MVP: variants seen among roughly 807,000 people sequenced by gnomAD.
MVP encodes the protein lung resistance-related protein.
A neutral mutation model predicts 83.5 loss-of-function variants in MVP; 62 were observed. That is an observed-to-expected ratio of 0.74 (90% CI 0.61 to 0.92). The LOEUF (loss-of-function observed/expected upper bound fraction) is 0.92. MVP is among the 40% of genes least tolerant of loss of function. The probability of loss-of-function intolerance (pLI) is 0.00; values close to 1 mark genes in which losing one functional copy is unlikely to be tolerated. For missense variants in MVP, 1,000 were observed against 1,203.4 expected (o/e 0.83, Z 2.50); for synonymous variants, 505 against 504.1 (o/e 1.00, Z -0.02).
At chr16:29,834,179 G>T in intron 5 of MVP, 113 bp downstream of exon 5, 1 of 1,438,338 alleles carries the variant, frequency 7.0e-7, no homozygotes, top group South Asian at 1.3e-5. Context: ...CGCTTTCCTG[G>T]TATCTTTTGA....
rs2067569103 is a variant in MVP at position 29,844,752 on chromosome 16, G to A, written c.1894G>A (p.Gly632Arg). ...GGACCAGGCTGTCTTCCCCCAAAAC[G>A]GGCTGGTGGTCAGCAGTGTGGACGT... Reference protein sequence around the residue: ...PRDQAVFPQNGLVVSSVDVQS... With the variant: ...PRDQAVFPQNRLVVSSVDVQS... The change falls in exon 11 of 15, where the codon GGG (glycine) becomes AGG (arginine). Residue 632 changes from glycine to arginine, a missense_variant. Gly to Arg is a moderately radical substitution (Grantham distance 125, BLOSUM62 -2). Transcript: ENST00000357402. The A allele has an allele frequency of 1.9e-6, 3 of 1,612,338 alleles. No homozygotes were observed. Among genetic ancestry groups the A allele is most frequent in the African/African-American group, 1.3e-5 (1 of 75,064 alleles).
At position 29,840,022 on chromosome 16, in the gene MVP, G is replaced by C. The variant is rs34739747; in HGVS notation, c.910-156G>C. On this transcript the variant is annotated intron_variant, in intron 7 of 14. Transcript: ENST00000357402. The stretch of plus-strand genomic sequence containing the variant: ...CGTTTGTGTAGAGCCTCACAGTCCA[G>C]ACAGTGCCTCACCGTATTATGATGT... The C allele has an allele frequency of 5.8e-6, 4 of 684,250 alleles. No homozygotes were observed. The African/African-American group carries it at 7.3e-5, about 12-fold the overall frequency. 42.4% of individuals were successfully genotyped at this position (684,250 alleles called of 1,614,324 possible).
chr16:29,840,602 C>G, intron 8 of MVP, 143 bp downstream of exon 8: 4 of 944,708 alleles, frequency 4.2e-6, no homozygotes, highest in Non-Finnish European at 6.2e-6. Flanking sequence ...GGGGAGGGCA[C>G]TACGTGGAGT....
intron 7 of MVP, among the ~76,000 whole-genome samples, chr16:29,838,670 CTT>C (rs1471468132): frequency 6.6e-6 from 1 of 151,022 alleles, no homozygotes; most frequent in African/African-American, 2.4e-5. Context: ...TTTACAAAAA[CTT>C]TTAAAAATTG....
At position 29,841,216 on chromosome 16, in the gene MVP, A is replaced by G. The variant is rs2067531902; in HGVS notation, c.1192-380A>G. Reference sequence around the variant, plus strand: ...AATCCGAGGGAGCATCCGTGTACACAGCCTACTTCACCATCCCCGAGGTGC... The same window carrying G: ...AATCCGAGGGAGCATCCGTGTACACGGCCTACTTCACCATCCCCGAGGTGC... On this transcript the variant is annotated intron_variant, in intron 8 of 14. Coordinates refer to ENST00000357402, the MANE Select transcript of MVP (RefSeq NM_005115.5). The surrounding 1 kb of genome is among the most constrained non-coding windows in gnomAD (Gnocchi z 4.7). 6.6e-6 allele frequency among the ~76,000 whole-genome samples: 1 copy of G among 152,142 alleles called. No homozygotes were observed.
At chr16:29,840,064 T>G in intron 7 of MVP, 114 bp from the exon 8 acceptor site, 1 of 1,139,126 alleles carries the variant, frequency 8.8e-7, no homozygotes, top group Non-Finnish European at 1.2e-6. Context: ...GGGGGCGGGC[T>G]TCTGGTGCTC....
At chr16:29,832,939 C>G (rs1276203286) in intron 3 of MVP, among the ~76,000 whole-genome samples, 1 of 152,026 alleles carries the variant, frequency 6.6e-6, no homozygotes, top group East Asian at 2.0e-4. Context: ...GTGGCATGCG[C>G]CTGTAATCCC....
intron 1 of MVP, among the ~76,000 whole-genome samples, chr16:29,823,643 G>A (rs2067381722): frequency 1.3e-5 from 2 of 151,820 alleles, no homozygotes; most frequent in Admixed American, 6.6e-5. Flanking sequence ...CACGAGGTTA[G>A]GAGATCAAGA....
chr16:29,845,462 C>T (rs1338052761), intron 11 of MVP, among the ~76,000 whole-genome samples: 1 of 152,158 alleles, frequency 6.6e-6, no homozygotes, highest in Non-Finnish European at 1.5e-5. Flanking sequence ...AGAAAGCTTC[C>T]CCCCGCCCCT....
chr16:29,821,664 C>T (rs2067362568), intron 1 of MVP, among the ~76,000 whole-genome samples: 1 of 152,220 alleles, frequency 6.6e-6, no homozygotes, highest in South Asian at 2.1e-4. Flanking sequence ...GTGGTCTCTA[C>T]AGTTATAGCC....
chr16:29,847,673 C>A, intron 14 of MVP, 89 bp from the exon 15 acceptor site: 1 of 1,312,522 alleles, frequency 7.6e-7, no homozygotes, highest in Non-Finnish European at 1.1e-6. Flanking sequence ...GGGGAGGTGA[C>A]CCTTCAAACC....
At chr16:29,832,710 CATTCTCCCA>C (rs1237434124) in intron 3 of MVP, among the ~76,000 whole-genome samples, 1 of 151,072 alleles carries the variant, frequency 6.6e-6, no homozygotes, top group Non-Finnish European at 1.5e-5. Flanking sequence ...CCTTCCACCT[CATTCTCCCA>C]AAATGCTGGG....
intron 11 of MVP, 130 bp from the exon 12 acceptor site, chr16:29,845,733 G>A (rs1351904042): frequency 1.5e-6 from 1 of 679,228 alleles, no homozygotes; most frequent in African/African-American, 1.8e-5. Flanking sequence ...GGGTTGAGTT[G>A]CGTATTGGGT....
At chr16:29,825,051 C>G (rs527804757) in intron 1 of MVP, among the ~76,000 whole-genome samples, 6 of 152,284 alleles carry the variant, frequency 3.9e-5, no homozygotes, top group African/African-American at 1.2e-4. Flanking sequence ...GCAAGAGCCC[C>G]TCTTTTAACT....
At chr16:29,834,208 C>G in intron 5 of MVP, 142 bp downstream of exon 5, 1 of 1,153,942 alleles carries the variant, frequency 8.7e-7, no homozygotes, top group Non-Finnish European at 1.2e-6. Context: ...GAGGGCCACC[C>G]ACTGCTCTTC....
chr16:29,834,347 T>C (rs1396129903), intron 5 of MVP: 7 of 407,072 alleles, frequency 1.7e-5, no homozygotes, highest in South Asian at 8.6e-5. Flanking sequence ...TACCTGATTC[T>C]GGATCAACAA....
At chr16:29,826,141 A>G (rs1446466845) in intron 1 of MVP, 1 of 152,272 alleles carries the variant, frequency 6.6e-6, no homozygotes, top group Non-Finnish European at 1.5e-5. Flanking sequence ...CTCACTGGAT[A>G]GGAAAGTTGG....
In MVP at chr16:29,841,809, C is replaced by T; in HGVS notation, c.1405C>T (p.Gln469Ter). 1 of 1,611,780 alleles carries T rather than the reference C, an allele frequency of 6.2e-7. No homozygotes were observed. The highest frequency in any genetic ancestry group is 1.1e-5 in the South Asian group (1 of 91,064). Residue 469 changes from glutamine (Q) to a stop codon, truncating the protein, a stop_gained, in exon 9 of 15, where the codon CAG (glutamine) becomes TAG (stop). Coordinates refer to ENST00000357402, the MANE Select transcript of MVP (RefSeq NM_005115.5). LOFTEE classifies it high-confidence loss of function. The surrounding 1 kb of genome is among the most constrained non-coding windows in gnomAD (Gnocchi z 4.7). Reference protein sequence around the residue: ...SYRVPHNAAVQVYDYREKRAR... With the variant: ...SYRVPHNAAV The stretch of plus-strand genomic sequence containing the variant: ...CCGCGTGCCCCACAACGCTGCGGTG[C>T]AGGTGTACGACTACCGAGAGAAGCG...
At chr16:29,834,688 T>G (rs2067470811) in intron 5 of MVP, 1 of 151,872 alleles carries the variant, frequency 6.6e-6, no homozygotes, top group Admixed American at 6.6e-5. Context: ...CCCACTTTTT[T>G]TTTTTTTTTG....
Sources: gnomAD v4.1 joint callset for allele counts (sites outside exome capture counted in the v4.1 genomes callset) on GRCh38, gnomAD v4.1.1 for gene constraint, Gnocchi (gnomAD v3.1) non-coding constraint, MANE v1.5 for transcripts, NCBI Gene and HGNC (gene_info 2026-07-23, HGNC 2026-07-21) for gene names.